TCEA2: variants seen among roughly 807,000 people sequenced by gnomAD.
TCEA2 encodes the protein transcription elongation factor A protein 2.
Under a neutral mutation model 40.8 loss-of-function variants are expected in TCEA2, and 21 were observed. The ratio of observed to expected loss-of-function variants is 0.51; its 90% CI spans 0.36 to 0.74. The LOEUF is 0.74. Among genes scored for constraint, TCEA2 ranks in the 30% least tolerant of loss-of-function variants. The pLI is 0.00. For missense variants in TCEA2, 326 were observed against 426.5 expected (o/e 0.76, Z 2.08); for synonymous variants, 165 against 162.7 (o/e 1.01, Z -0.11).
At chr20:64,064,993 T>A (rs61655723) in intron 1 of TCEA2, among the ~76,000 whole-genome samples, 31,308 of 151,676 alleles carry the variant, frequency 0.21, 3,353 homozygotes, top group Non-Finnish European at 0.23. Flanking sequence ...GGGGGGTTTC[T>A]GGTGGAAGAA....
chr20:64,069,655 TC>T lies in TCEA2; in HGVS notation c.461-109del. ...GGGGCCTGTGCCTGGATCGTGGGCC[TC>T]TTGCAGGGACCCGGATGTGCCCTCT... is the stretch of plus-strand genomic sequence containing the variant. On this transcript the variant is annotated intron_variant, in intron 5 of 9. Transcript: ENST00000343484. The T allele has an allele frequency of 2.6e-6, 4 of 1,534,138 alleles. No homozygotes were observed. The South Asian group carries it at 3.7e-5, about 14-fold the overall frequency.
chr20:64,066,511 C>A lies in TCEA2; in HGVS notation c.108C>A (p.Ala36=). ...GAMDLLRELK[A]MPITLHLLQS... is the part of the protein sequence containing the mutation. Reference sequence around the variant, plus strand: ...TGGATTTGCTGCGGGAGCTGAAGGCCATGCCTATCACGCTGCACCTGCTCC... The same window carrying A: ...TGGATTTGCTGCGGGAGCTGAAGGCAATGCCTATCACGCTGCACCTGCTCC... The change falls in exon 2 of 10, where the codon GCC becomes GCA. Residue 36 remains alanine, a synonymous_variant. Coordinates refer to ENST00000343484, the MANE Select transcript of TCEA2 (RefSeq NM_003195.6). The A allele has an allele frequency of 6.2e-7, 1 of 1,613,878 alleles. No individual in the cohort carries two copies. The highest frequency in any genetic ancestry group is 1.3e-5 in the African/African-American group (1 of 75,050).
intron 1 of TCEA2, among the ~76,000 whole-genome samples, chr20:64,064,626 C>T (rs1403980192): frequency 6.6e-6 from 1 of 152,120 alleles, no homozygotes; most frequent in Non-Finnish European, 1.5e-5. Flanking sequence ...GCAGCCACCC[C>T]AGGGCTGTGT....
rs1299900099 is a variant in TCEA2 at position 64,063,324 on chromosome 20, G to A, written c.12G>A (p.Lys4=). The A allele has an allele frequency of 1.3e-6, 2 of 1,547,340 alleles. No individual in the cohort carries two copies. Among genetic ancestry groups the A allele is most frequent in the African/African-American group, 1.4e-5 (1 of 72,674 alleles). Residue 4 remains lysine, a synonymous_variant, in exon 1 of 10, where the codon AAG becomes AAA. Coordinates refer to ENST00000343484, the MANE Select transcript of TCEA2 (RefSeq NM_003195.6). The stretch of plus-strand genomic sequence containing the variant: ...CTGCTCCTGAGGCGATGATGGGCAA[G>A]GAAGAGGAGATTGCGCGGATCGCCC... MMG[K]EEEIARIARR...
upstream of TCEA2, among the ~76,000 whole-genome samples, chr20:64,056,242 G>T (rs2059472153): frequency 6.6e-6 from 1 of 152,190 alleles, no homozygotes; most frequent in Non-Finnish European, 1.5e-5. Context: ...TACAGACTGG[G>T]CGACTGAGGT....
chr20:64,056,048 G>C (rs2059469871), upstream of TCEA2, among the ~76,000 whole-genome samples: 1 of 152,014 alleles, frequency 6.6e-6, no homozygotes, highest in African/African-American at 2.4e-5. Flanking sequence ...GGAATTGTGT[G>C]GGGGAAGTGC....
upstream of TCEA2, chr20:64,063,155 C>G: frequency 7.3e-6 from 4 of 549,094 alleles, no homozygotes; most frequent in East Asian, 4.6e-5. Context: ...GGATGCCGCG[C>G]GCGGCCGCGG....
chr20:64,063,587 A>G (rs1170843453), intron 1 of TCEA2: 28 of 618,266 alleles, frequency 4.5e-5, no homozygotes, highest in Non-Finnish European at 6.9e-5. Context: ...CACTCCCGCA[A>G]CCCCGGCAGA....
Position 64,066,520 on chromosome 20 carries a change from C to CA in TCEA2, c.118dup (p.Thr40AsnfsTer24). On this transcript the variant is annotated frameshift_variant, in exon 2 of 10. Transcript: ENST00000343484. LOFTEE classifies it high-confidence loss of function. ...TGCGGGAGCTGAAGGCCATGCCTAT[C>CA]ACGCTGCACCTGCTCCAGGTAGGTC... 1 of 1,613,846 alleles carries CA rather than the reference C, an allele frequency of 6.2e-7. No individual in the cohort carries two copies. The highest frequency in any genetic ancestry group is 1.1e-5 in the South Asian group (1 of 91,086).
At chr20:64,071,586 G>C (rs1345656199) in intron 8 of TCEA2, among the ~76,000 whole-genome samples, 1 of 152,204 alleles carries the variant, frequency 6.6e-6, no homozygotes, top group Non-Finnish European at 1.5e-5. Flanking sequence ...ACCCCTGCTA[G>C]TTCCCCCCAC....
chr20:64,065,478 A>G (rs1002005260), intron 1 of TCEA2: 2 of 141,354 alleles, frequency 1.4e-5, no homozygotes, highest in Admixed American at 1.4e-4. Flanking sequence ...GCACAGTTGC[A>G]GTTTTAAACA....
intron 8 of TCEA2, 153 bp from the exon 9 acceptor site, chr20:64,071,717 C>T (rs2059841563): frequency 2.5e-6 from 2 of 788,184 alleles, no homozygotes; most frequent in Admixed American, 5.6e-5. Context: ...CCCCCGGAGG[C>T]TCAGCTTTGG....
chr20:64,061,469 G>T (rs1251876896), upstream of TCEA2, among the ~76,000 whole-genome samples: 1 of 152,142 alleles, frequency 6.6e-6, no homozygotes, highest in Non-Finnish European at 1.5e-5. Context: ...TAGAGATGGG[G>T]TTTCACCGTG....
intron 8 of TCEA2, among the ~76,000 whole-genome samples, chr20:64,071,377 G>A (rs1020740638): frequency 1.3e-4 from 20 of 151,714 alleles, no homozygotes; most frequent in Admixed American, 1.0e-3. Context: ...GGAGTGTGTC[G>A]AGGCGGCCGC....
At chr20:64,066,771 G>T in intron 2 of TCEA2, 144 bp from the exon 3 acceptor site, 1 of 877,028 alleles carries the variant, frequency 1.1e-6, no homozygotes, top group Non-Finnish European at 1.8e-6. Flanking sequence ...GGTTCCAAAT[G>T]GGACAGTCGC....
At chr20:64,063,570 T>C (rs2059618376) in intron 1 of TCEA2, 186 bp downstream of exon 1, 10 of 676,046 alleles carry the variant, frequency 1.5e-5, no homozygotes, top group Non-Finnish European at 2.2e-5. Context: ...GGGCCAGCCC[T>C]GCCGTTCACT....
At chr20:64,061,262 G>A (rs1331418301), upstream of TCEA2, among the ~76,000 whole-genome samples, 1 of 145,006 alleles carries the variant, frequency 6.9e-6, no homozygotes, top group Non-Finnish European at 1.5e-5. Flanking sequence ...CACCACGCCC[G>A]GCTAATTTTT....
chr20:64,069,711 G>A (rs1217651800), intron 5 of TCEA2, 54 bp from the exon 6 acceptor site: 15 of 1,585,044 alleles, frequency 9.5e-6, no homozygotes, highest in Non-Finnish European at 1.3e-5. Flanking sequence ...CAGGCAGAAG[G>A]GGTGGCAGGT....
chr20:64,067,865 C>T (rs2059732011), intron 3 of TCEA2, among the ~76,000 whole-genome samples, 182 bp from the exon 4 acceptor site: 1 of 152,104 alleles, frequency 6.6e-6, no homozygotes, highest in Non-Finnish European at 1.5e-5. Flanking sequence ...AGGGTGAGGA[C>T]CTGTTCACAG....
Sources: gnomAD v4.1 joint callset for allele counts (sites outside exome capture counted in the v4.1 genomes callset) on GRCh38, gnomAD v4.1.1 for gene constraint, MANE v1.5 for transcripts, NCBI Gene and HGNC (gene_info 2026-07-23, HGNC 2026-07-21) for gene names.